FBXO15: variants seen among roughly 807,000 people sequenced by gnomAD.
FBXO15 encodes F-box protein 15.
FBXO15 carries 30 observed loss-of-function variants against 49.5 expected under a neutral mutation model. The observed-to-expected ratio is 0.61, with a 90% CI of 0.45 to 0.82. The LOEUF (loss-of-function observed/expected upper bound fraction) is 0.82. Ranked by LOEUF, FBXO15 falls within the 40% of genes least tolerant of loss-of-function variation. The pLI, the probability that FBXO15 is intolerant of heterozygous loss-of-function variation, is 0.00. For missense variants in FBXO15, 591 were observed against 631.5 expected (o/e 0.94, Z 0.69); for synonymous variants, 250 against 232.7 (o/e 1.07, Z -0.68).
intron 8 of FBXO15, among the ~76,000 whole-genome samples, chr18:74,112,811 G>A (rs778716323): frequency 6.6e-6 from 1 of 152,212 alleles, no homozygotes; most frequent in Non-Finnish European, 1.5e-5. Context: ...AACACCAAAT[G>A]CTGGTAAGAC....
At chr18:74,142,012 A>G (rs1160567046) in intron 1 of FBXO15, among the ~76,000 whole-genome samples, 1 of 152,218 alleles carries the variant, frequency 6.6e-6, no homozygotes, top group East Asian at 1.9e-4. Context: ...TGGCATCTCA[A>G]CAAAGAAGTT....
At chr18:74,107,873 AC>A (rs1246766427) in intron 8 of FBXO15, among the ~76,000 whole-genome samples, 2 of 152,150 alleles carry the variant, frequency 1.3e-5, no homozygotes, top group Admixed American at 6.5e-5. Flanking sequence ...AGAATAACCT[AC>A]TAGGGGAATT....
At chr18:74,099,041 C>T (rs1913401417) in intron 8 of FBXO15, 1 of 152,268 alleles carries the variant, frequency 6.6e-6, no homozygotes, top group Non-Finnish European at 1.5e-5. Context: ...AGGAGAATCA[C>T]TTGAACCCAG....
intron 8 of FBXO15, among the ~76,000 whole-genome samples, chr18:74,114,627 C>T (rs1914153352): frequency 6.6e-6 from 1 of 152,146 alleles, no homozygotes; most frequent in African/African-American, 2.4e-5. Context: ...ACCCACATTC[C>T]CTCTTTCCTC....
chr18:74,073,662 C>T lies in FBXO15; in HGVS notation c.1332G>A (p.Pro444=), dbSNP rs1349062667. Residue 444 remains proline (P), a synonymous_variant, in exon 10 of 10, where the codon CCG becomes CCA. Transcript: ENST00000419743. ...GTGTGGCAGGCGATCTCAGGCACAC[C>T]GGGGAACTGAAACACCAAAAGGGTT... ...HGKPFWCFSS[P]VCLRSPATPS... 9 of 1,614,102 alleles carry T rather than the reference C, an allele frequency of 5.6e-6. No individual in the cohort carries two copies. The highest frequency in any genetic ancestry group is 1.6e-4 in the Middle Eastern group (1 of 6,062).
chr18:74,087,301 G>A (rs1912787487), intron 8 of FBXO15, among the ~76,000 whole-genome samples: 1 of 152,102 alleles, frequency 6.6e-6, no homozygotes, highest in Non-Finnish European at 1.5e-5. Flanking sequence ...TAAACCGCAT[G>A]TTGCAGGGGT....
chr18:74,115,616 GA>G (rs1914195788), intron 8 of FBXO15, among the ~76,000 whole-genome samples: 1 of 152,088 alleles, frequency 6.6e-6, no homozygotes, highest in Non-Finnish European at 1.5e-5. Flanking sequence ...TTCAATTCTA[GA>G]GATCCTTTTA....
chr18:74,090,848 T>C (rs2145124914), intron 8 of FBXO15, among the ~76,000 whole-genome samples: 1 of 152,342 alleles, frequency 6.6e-6, no homozygotes, highest in Non-Finnish European at 1.5e-5. Context: ...TTGGAGTATA[T>C]GCCATGCACA....
intron 7 of FBXO15, among the ~76,000 whole-genome samples, chr18:74,123,861 G>A (rs1330613077): frequency 6.6e-6 from 1 of 152,056 alleles, no homozygotes; most frequent in Admixed American, 6.5e-5. Context: ...AGCAGGAAAA[G>A]GCACTGAATA....
intron 8 of FBXO15, among the ~76,000 whole-genome samples, chr18:74,111,531 A>G (rs1334018105): frequency 1.3e-5 from 2 of 152,116 alleles, no homozygotes; most frequent in African/African-American, 4.8e-5. Context: ...AGGCAGTAAA[A>G]GCAGTGCTTA....
intron 8 of FBXO15, among the ~76,000 whole-genome samples, chr18:74,112,850 G>C (rs1176881127): frequency 6.6e-6 from 1 of 152,200 alleles, no homozygotes; most frequent in East Asian, 1.9e-4. Flanking sequence ...TTCATTTATG[G>C]CTGTTAGTGA....
rs1254556655 is a variant in FBXO15, at chr18:74,140,245, G to T, written c.184C>A (p.His62Asn). The change falls in exon 2 of 10, where the codon CAC becomes AAC. Residue 62 changes from histidine (H) to asparagine (N), a missense_variant. Coordinates refer to ENST00000419743, the MANE Select transcript of FBXO15 (RefSeq NM_001142958.2). The stretch of plus-strand genomic sequence containing the variant: ...CAGCAGGAGAAAGAGCTCTCCCAGT[G>T]CTGTCCACCTCCGGCATGGCACCTC... Reference protein sequence around the residue: ...ALRCHAGGGQHWESSFSCCSG... With the variant: ...ALRCHAGGGQNWESSFSCCSG... The T allele has an allele frequency of 6.4e-6, 10 of 1,551,520 alleles. No individual in the cohort carries two copies. Among genetic ancestry groups the T allele is most frequent in the Non-Finnish European group, 8.7e-6 (10 of 1,146,944 alleles).
intron 7 of FBXO15, among the ~76,000 whole-genome samples, chr18:74,124,173 T>C (rs562961435): frequency 1.3e-5 from 2 of 152,140 alleles, no homozygotes; most frequent in Non-Finnish European, 2.9e-5. Flanking sequence ...TCTACATGCC[T>C]TACAAGATGT....
intron 3 of FBXO15, among the ~76,000 whole-genome samples, chr18:74,131,205 A>G (rs568063377): frequency 1.1e-4 from 17 of 152,380 alleles, no homozygotes; most frequent in African/African-American, 4.1e-4. Flanking sequence ...AATAGTTAAC[A>G]TTAAATTTTG....
intron 9 of FBXO15, among the ~76,000 whole-genome samples, chr18:74,077,314 A>G (rs1912294758): frequency 6.6e-6 from 1 of 152,142 alleles, no homozygotes; most frequent in Non-Finnish European, 1.5e-5. Flanking sequence ...CAGGAGCCCT[A>G]ATGCATCAGG....
chr18:74,111,368 A>G (rs748934641), intron 8 of FBXO15, among the ~76,000 whole-genome samples: 35 of 152,268 alleles, frequency 2.3e-4, no homozygotes, highest in Non-Finnish European at 4.0e-4. Flanking sequence ...CTAGATATCA[A>G]TAACAGAAAG....
At chr18:74,134,225 G>GT (rs1483728941) in intron 3 of FBXO15, among the ~76,000 whole-genome samples, 2 of 152,144 alleles carry the variant, frequency 1.3e-5, no homozygotes, top group African/African-American at 4.8e-5. Context: ...CCTCTTCAGA[G>GT]TATGACAATG....
intron 1 of FBXO15, among the ~76,000 whole-genome samples, chr18:74,144,731 G>C (rs994045168): frequency 2.7e-4 from 41 of 152,106 alleles, no homozygotes; most frequent in African/African-American, 9.7e-4. Flanking sequence ...CAAAGCCTTT[G>C]TGTTGATTTT....
At chr18:74,124,132 C>T (rs1024717220) in intron 7 of FBXO15, among the ~76,000 whole-genome samples, 3 of 152,122 alleles carry the variant, frequency 2.0e-5, no homozygotes, top group African/African-American at 7.2e-5. Context: ...CAGAATCATC[C>T]GCAGGCCAGG....
Sources: allele counts gnomAD v4.1 joint callset (sites outside exome capture counted in the v4.1 genomes callset), GRCh38; gene constraint gnomAD v4.1.1; transcripts MANE v1.5; gene names NCBI Gene and HGNC (gene_info 2026-07-23, HGNC 2026-07-21).